Variants in KCNQ1 observed in about 807,000 individuals in gnomAD.
KCNQ1 encodes potassium voltage-gated channel subfamily Q member 1.
Under a neutral mutation model 72.4 loss-of-function variants are expected in KCNQ1, and 49 were observed. That is an observed-to-expected ratio of 0.68 (90% CI 0.54 to 0.86). The LOEUF (loss-of-function observed/expected upper bound fraction) is 0.86, where lower values mean the gene tolerates loss of function less well. Ranked by LOEUF, KCNQ1 falls within the 40% of genes least tolerant of loss-of-function variation. The pLI is 0.00. For synonymous variants in KCNQ1, 450 were observed against 412.6 expected (o/e 1.09, Z -1.10); for missense variants, 790 against 945.1 (o/e 0.84, Z 2.15).
At chr11:2,557,150 AAAG>A (rs1848084532) in intron 2 of KCNQ1, among the ~76,000 whole-genome samples, 2 of 152,352 alleles carry the variant, frequency 1.3e-5, no homozygotes, top group African/African-American at 2.4e-5. Flanking sequence ...CTGCAAGCTA[AAAG>A]AAGAAAAGGA....
intron 11 of KCNQ1, chr11:2,675,954 A>G: frequency 1.0e-5 from 4 of 398,690 alleles, no homozygotes. Flanking sequence ...ACCAATTCAG[A>G]GTACAAAAGG....
At chr11:2,625,672 T>A (rs1318991940) in intron 10 of KCNQ1, 1 of 397,200 alleles carries the variant, frequency 2.5e-6, no homozygotes, top group Non-Finnish European at 4.4e-6. Context: ...GCCTCCTGGG[T>A]TCACATCATT....
chr11:2,558,683 C>T (rs1460888176), intron 2 of KCNQ1, among the ~76,000 whole-genome samples: 1 of 152,224 alleles, frequency 6.6e-6, no homozygotes, highest in Non-Finnish European at 1.5e-5. Flanking sequence ...GGGCTGGAGG[C>T]ACCTCATTAA....
Position 2,622,694 on chromosome 11 carries a change from G to T in KCNQ1, c.1393+33840G>T, listed in dbSNP as rs1345296226. 3 of 398,342 alleles carry T rather than the reference G, an allele frequency of 7.5e-6. No individual in the cohort carries two copies. In the Admixed American group the frequency reaches 1.3e-4, roughly 18 times the overall value. 24.7% of individuals were successfully genotyped at this position (398,342 alleles called of 1,614,324 possible). On this transcript the variant is annotated intron_variant, in intron 10 of 15. Transcript: ENST00000155840. ...ATTATGATTCTCTATTCGATTGTCT[G>T]TATGTGTGTATGTGTATTTTAAAGA... is the stretch of plus-strand genomic sequence containing the variant.
At position 2,661,708 on chromosome 11, in the gene KCNQ1, C is replaced by T; in HGVS notation, c.1394-253C>T. The T allele has an allele frequency of 1.6e-6, 1 of 610,460 alleles. No individual in the cohort carries two copies. The highest frequency in any genetic ancestry group is 2.9e-6 in the Non-Finnish European group (1 of 341,452). 37.8% of individuals were successfully genotyped at this position (610,460 alleles called of 1,614,324 possible). On this transcript the variant is annotated intron_variant, in intron 10 of 15. Transcript: ENST00000155840. This position sits in a 1 kb window ranked among gnomAD's most constrained non-coding sequence, Gnocchi z 5.9. ...GAGTCTTGGACACCTGAGCACAGCCCCAGGCACAGTTACCACTCCGAAGAT... is the reference window on the plus strand; with the variant it reads ...GAGTCTTGGACACCTGAGCACAGCCTCAGGCACAGTTACCACTCCGAAGAT...
rs939950383 is a variant in KCNQ1 at position 2,772,253 on chromosome 11, C to A, written c.1590+3334C>A. On this transcript the variant is annotated intron_variant, in intron 12 of 15. Transcript: ENST00000155840. This position sits in a 1 kb window ranked among gnomAD's most constrained non-coding sequence, Gnocchi z 6.6. The stretch of plus-strand genomic sequence containing the variant: ...TGCACCCCACCCCACCCCCGCTGGC[C>A]TCAGGGGCTGCTGACATGGCAGGTG... 6.6e-6 allele frequency among the ~76,000 whole-genome samples: 1 copy of A among 152,084 alleles called. No homozygotes were observed. The highest frequency in any genetic ancestry group is 1.5e-5 in the Non-Finnish European group (1 of 68,004).
intron 11 of KCNQ1, chr11:2,696,348 A>T (rs571256231): frequency 2.5e-6 from 1 of 398,562 alleles, no homozygotes; most frequent in African/African-American, 2.1e-5. Context: ...TTCCAACATC[A>T]TCTTCTGAAC....
In KCNQ1 at chr11:2,515,226, G is replaced by A. The variant is rs117321121; in HGVS notation, c.387-12702G>A. ...CAGAGTGACCTTTCTCCGTCTTTCT[G>A]TCCAAGCATCCCATCTGTCTAGCTT... is the stretch of plus-strand genomic sequence containing the variant. On this transcript the variant is annotated intron_variant, in intron 1 of 15. Coordinates refer to ENST00000155840, the MANE Select transcript of KCNQ1 (RefSeq NM_000218.3). This position sits in a 1 kb window ranked among gnomAD's most constrained non-coding sequence, Gnocchi z 4.7. 2.0e-5 allele frequency among the ~76,000 whole-genome samples: 3 copies of A among 152,218 alleles called. No individual in the cohort carries two copies. In the South Asian group the frequency reaches 6.2e-4, roughly 32 times the overall value.
In KCNQ1 at chr11:2,651,660, C is replaced by T; in HGVS notation, c.1394-10301C>T. 1 of 398,686 alleles carries T rather than the reference C, an allele frequency of 2.5e-6. No individual in the cohort carries two copies. The highest frequency in any genetic ancestry group is 4.4e-6 in the Non-Finnish European group (1 of 226,090). The allele number at this position is 398,686 out of a possible 1,614,324, so 24.7% of individuals were successfully genotyped here. A position where few individuals can be genotyped will look rare whatever the true frequency, so the allele number is the denominator to read the frequency against. ...GGGTCTCTGTCTCTCCCACAGCTCA[C>T]TGACATTAGCCACGTGGCCCTCTGT... On this transcript the variant is annotated intron_variant, in intron 10 of 15. Transcript: ENST00000155840. This position sits in a 1 kb window ranked among gnomAD's most constrained non-coding sequence, Gnocchi z 6.1.
Position 2,658,358 on chromosome 11 carries a change from T to C in KCNQ1, c.1394-3603T>C, listed in dbSNP as rs1849888750. 5.0e-6 allele frequency: 2 copies of C among 398,478 alleles called. No homozygotes were observed. The highest frequency in any genetic ancestry group is 8.8e-6 in the Non-Finnish European group (2 of 226,040). 24.7% of individuals were successfully genotyped at this position (398,478 alleles called of 1,614,324 possible). On this transcript the variant is annotated intron_variant, in intron 10 of 15. Transcript: ENST00000155840. The surrounding 1 kb of genome is among the most constrained non-coding windows in gnomAD (Gnocchi z 4.9). ...TTTATTTAATTTTATCAGTGTGGAT[T>C]TGGGAGTATTTATTTTTTGAGTTAT...
rs1160091599 is a variant in KCNQ1, at chr11:2,486,121, C to T, written c.386+40637C>T. ...TTAATTTCTTGAGGAACCACTATGC[C>T]GTTTTCCACAGTAGCTACCACATCC... On this transcript the variant is annotated intron_variant, in intron 1 of 15. Transcript: ENST00000155840. This position sits in a 1 kb window ranked among gnomAD's most constrained non-coding sequence, Gnocchi z 5.0. 1.3e-5 allele frequency among the ~76,000 whole-genome samples: 2 copies of T among 152,066 alleles called. No homozygotes were observed. The highest frequency in any genetic ancestry group is 2.1e-4 in the South Asian group (1 of 4,822).
intron 1 of KCNQ1, among the ~76,000 whole-genome samples, chr11:2,456,163 C>T (rs538625281): frequency 4.8e-4 from 73 of 152,114 alleles, no homozygotes; most frequent in Admixed American, 8.5e-4. Context: ...GGTGGTGAAA[C>T]CCCATCTCTA....
chr11:2,584,515 T>TAG (rs1564824899), intron 7 of KCNQ1, among the ~76,000 whole-genome samples: 6 of 142,774 alleles, frequency 4.2e-5, no homozygotes, highest in African/African-American at 1.3e-4. Flanking sequence ...GTGTGTGTGT[T>TAG]TGTGTGTTAG....
intron 11 of KCNQ1, among the ~76,000 whole-genome samples, chr11:2,714,716 G>C (rs1851060492): frequency 6.6e-6 from 1 of 152,206 alleles, no homozygotes; most frequent in Non-Finnish European, 1.5e-5. Context: ...ATCCCAGAAA[G>C]GGACACGAAG....
chr11:2,699,643 C>CAGCGCCGAAGAACCCCCGGGGAG (rs1850751033), intron 11 of KCNQ1: 1 of 364,698 alleles, frequency 2.7e-6, no homozygotes, highest in Non-Finnish European at 4.8e-6. Context: ...CCCCCGGGGA[C>CAGCGCCGAAGAACCCCCGGGGAG]AACCGCGCCG....
intron 3 of KCNQ1, 78 bp from the exon 4 acceptor site, chr11:2,571,247 G>A (rs1848328610): frequency 2.5e-6 from 3 of 1,212,522 alleles, no homozygotes; most frequent in African/African-American, 3.0e-5. Flanking sequence ...TTCCCCAGAC[G>A]AGAGCAGGGT....
intron 11 of KCNQ1, among the ~76,000 whole-genome samples, chr11:2,760,474 T>A (rs964735043): frequency 6.6e-6 from 1 of 152,142 alleles, no homozygotes; most frequent in Non-Finnish European, 1.5e-5. Context: ...GCGGGTCTTT[T>A]CTCAGCAGCT....
chr11:2,814,543 C>T (rs908475402), intron 15 of KCNQ1, among the ~76,000 whole-genome samples: 10 of 145,150 alleles, frequency 6.9e-5, no homozygotes, highest in Non-Finnish European at 1.4e-4. Context: ...GGTGGGTGAG[C>T]TGATGGAGAA....
rs1357344119 is a variant in KCNQ1 at position 2,824,997 on chromosome 11, T to C, written c.1795-22770T>C. ...CCGGGTGTGGATGGAAGCTGTACGA[T>C]GGGGCCTGGGCCAGGGATTGTGGGC... On this transcript the variant is annotated intron_variant, in intron 15 of 15. Coordinates refer to ENST00000155840, the MANE Select transcript of KCNQ1 (RefSeq NM_000218.3). This position sits in a 1 kb window ranked among gnomAD's most constrained non-coding sequence, Gnocchi z 5.9. Among the ~76,000 whole-genome samples the C allele has an allele frequency of 6.6e-6, 1 of 152,166 alleles. No individual in the cohort carries two copies. Among genetic ancestry groups the C allele is most frequent in the Admixed American group, 6.5e-5 (1 of 15,284 alleles).
Sources: allele counts gnomAD v4.1 joint callset (sites outside exome capture counted in the v4.1 genomes callset), GRCh38; gene constraint gnomAD v4.1.1; non-coding constraint Gnocchi (gnomAD v3.1); transcripts MANE v1.5; gene names NCBI Gene and HGNC (gene_info 2026-07-23, HGNC 2026-07-21).